PARD3B: variants seen among roughly 807,000 people sequenced by gnomAD.
PARD3B encodes the protein par-3 family cell polarity regulator beta.
In PARD3B, 103 loss-of-function variants were observed where a neutral mutation model predicts 130.2. The observed-to-expected ratio is 0.79, with a 90% CI of 0.67 to 0.93. PARD3B has a LOEUF of 0.93. Ranked by LOEUF, PARD3B falls within the 40% of genes least tolerant of loss-of-function variation. The probability of loss-of-function intolerance (pLI) is 0.00; values close to 1 mark genes in which losing one functional copy is unlikely to be tolerated. For synonymous variants in PARD3B, 583 were observed against 553.2 expected (o/e 1.05, Z -0.76); for missense variants, 1,609 against 1,499.2 (o/e 1.07, Z -1.21).
At chr2:204,975,639 C>T (rs142260064) in intron 3 of PARD3B, among the ~76,000 whole-genome samples, 1 of 152,186 alleles carries the variant, frequency 6.6e-6, no homozygotes, top group African/African-American at 2.4e-5. Flanking sequence ...ATTGGAAACC[C>T]ATTGATGATC....
intron 15 of PARD3B, among the ~76,000 whole-genome samples, chr2:205,208,516 CA>C (rs1335640919): frequency 1.5e-4 from 21 of 144,718 alleles, no homozygotes; most frequent in African/African-American, 5.1e-4. Context: ...GCAACTTCAG[CA>C]AAGTCTCAGG....
At chr2:204,791,305 T>A (rs1348010942) in intron 2 of PARD3B, among the ~76,000 whole-genome samples, 1 of 152,168 alleles carries the variant, frequency 6.6e-6, no homozygotes, top group Non-Finnish European at 1.5e-5. Flanking sequence ...TCATTCTCCA[T>A]AGAATTGTTT....
rs1028677501 is a variant in PARD3B, at chr2:204,689,579, A to G, written c.222+3297A>G. 1.4e-4 allele frequency among the ~76,000 whole-genome samples: 21 copies of G among 152,136 alleles called. No homozygotes were observed. Among genetic ancestry groups the G allele is most frequent in the African/African-American group, 4.3e-4 (18 of 41,442 alleles). On this transcript the variant is annotated intron_variant, in intron 2 of 22. Transcript: ENST00000406610. This position sits in a 1 kb window ranked among gnomAD's most constrained non-coding sequence, Gnocchi z 5.2. ...GTCTCCTCTCTGGTTGCTAAAGGCTACCAACTTAGTTCACCCAATAGTAAC... is the reference window on the plus strand; with the variant it reads ...GTCTCCTCTCTGGTTGCTAAAGGCTGCCAACTTAGTTCACCCAATAGTAAC...
chr2:204,810,416 C>G (rs760833323), intron 2 of PARD3B, among the ~76,000 whole-genome samples: 11 of 152,002 alleles, frequency 7.2e-5, no homozygotes, highest in Non-Finnish European at 1.5e-4. Flanking sequence ...TGAGGTATGT[C>G]CCTACAATAC....
chr2:204,935,146 C>CTTT (rs71032422), intron 2 of PARD3B, among the ~76,000 whole-genome samples: 17 of 138,660 alleles, frequency 1.2e-4, no homozygotes, highest in Admixed American at 5.8e-4. Context: ...GTTTTCCCTA[C>CTTT]TTTTTTTTTT....
At chr2:204,566,174 C>A (rs951111337) in intron 1 of PARD3B, among the ~76,000 whole-genome samples, 5 of 152,126 alleles carry the variant, frequency 3.3e-5, no homozygotes, top group African/African-American at 9.7e-5. Context: ...GTTTAAGCAC[C>A]AGTGTTTATT....
chr2:205,154,330 A>G (rs570070755), intron 10 of PARD3B, among the ~76,000 whole-genome samples: 1 of 152,312 alleles, frequency 6.6e-6, no homozygotes, highest in African/African-American at 2.4e-5. Flanking sequence ...AGAAATGCAA[A>G]TCAAAACCAC....
intron 1 of PARD3B, among the ~76,000 whole-genome samples, chr2:204,594,328 T>C (rs1008355014): frequency 1.3e-5 from 2 of 152,170 alleles, no homozygotes; most frequent in African/African-American, 4.8e-5. Context: ...CTATTCCTTT[T>C]CCACAGAGTT....
intron 3 of PARD3B, among the ~76,000 whole-genome samples, chr2:204,997,177 A>G (rs901730715): frequency 1.3e-5 from 2 of 152,200 alleles, no homozygotes; most frequent in African/African-American, 4.8e-5. Context: ...GATATCTGTC[A>G]GGGTAGGTTC....
At chr2:204,862,754 T>C (rs1190624482) in intron 2 of PARD3B, among the ~76,000 whole-genome samples, 1 of 152,124 alleles carries the variant, frequency 6.6e-6, no homozygotes, top group African/African-American at 2.4e-5. Flanking sequence ...TCCCCTCAGT[T>C]TAGTTTAAAC....
intron 2 of PARD3B, among the ~76,000 whole-genome samples, chr2:204,700,284 C>G (rs911638521): frequency 6.6e-5 from 10 of 151,982 alleles, no homozygotes; most frequent in Non-Finnish European, 8.8e-5. Context: ...CATCTGATAG[C>G]CTCATGTTAC....
At chr2:204,901,313 A>G (rs553194761) in intron 2 of PARD3B, among the ~76,000 whole-genome samples, 228 of 152,242 alleles carry the variant, frequency 1.5e-3, no homozygotes, top group Non-Finnish European at 2.6e-3. Flanking sequence ...TGAAGCCACA[A>G]GACAAAGTCC....
intron 16 of PARD3B, among the ~76,000 whole-genome samples, chr2:205,286,159 T>G (rs1267145095): frequency 6.6e-6 from 1 of 152,128 alleles, no homozygotes; most frequent in Admixed American, 6.6e-5. Flanking sequence ...TTTTTCTTTT[T>G]TGGGGGAGTA....
intron 19 of PARD3B, among the ~76,000 whole-genome samples, chr2:205,434,225 C>G (rs2047434355): frequency 6.6e-6 from 1 of 152,046 alleles, no homozygotes; most frequent in Admixed American, 6.6e-5. Context: ...TTTGCATTTC[C>G]CTGATGATGT....
chr2:205,356,851 A>G (rs1038658725), intron 18 of PARD3B, among the ~76,000 whole-genome samples: 3 of 149,186 alleles, frequency 2.0e-5, no homozygotes, highest in African/African-American at 4.9e-5. Flanking sequence ...AGATTGCGCC[A>G]TTATACTCCA....
intron 3 of PARD3B, among the ~76,000 whole-genome samples, chr2:204,998,906 G>T (rs987607360): frequency 2.0e-5 from 3 of 152,096 alleles, no homozygotes; most frequent in South Asian, 2.1e-4. Flanking sequence ...TAGAGACAAG[G>T]TTTCAGTGTG....
intron 15 of PARD3B, among the ~76,000 whole-genome samples, chr2:205,205,288 T>A (rs1559540828): frequency 6.6e-6 from 1 of 152,332 alleles, no homozygotes; most frequent in Middle Eastern, 3.4e-3. Flanking sequence ...TTTTTGCACA[T>A]TGATTTTGTA....
At chr2:204,717,411 C>T (rs190156063) in intron 2 of PARD3B, among the ~76,000 whole-genome samples, 1 of 152,270 alleles carries the variant, frequency 6.6e-6, no homozygotes, top group East Asian at 1.9e-4. Flanking sequence ...CCATTTGAGT[C>T]TTTCCATTTT....
intron 1 of PARD3B, among the ~76,000 whole-genome samples, chr2:204,594,169 C>T (rs577518525): frequency 1.3e-5 from 2 of 152,198 alleles, no homozygotes; most frequent in East Asian, 3.9e-4. Context: ...GAGATGAGGT[C>T]GAATGCTAGT....
Sources: allele counts gnomAD v4.1 joint callset (sites outside exome capture counted in the v4.1 genomes callset), GRCh38; gene constraint gnomAD v4.1.1; non-coding constraint Gnocchi (gnomAD v3.1); transcripts MANE v1.5; gene names NCBI Gene and HGNC (gene_info 2026-07-23, HGNC 2026-07-21).